Variants in ERC1 observed in about 807,000 individuals in gnomAD.
The protein encoded by ERC1 is ELKS/RAB6-interacting/CAST family member 1, also known as RAB6 interacting protein 2.
In ERC1, 56 loss-of-function variants were observed where a neutral mutation model predicts 132.0. The ratio of observed to expected loss-of-function variants is 0.42; its 90% CI spans 0.34 to 0.53. The LOEUF is 0.53. Ranked by LOEUF, ERC1 falls within the 20% of genes least tolerant of loss-of-function variation. The pLI is 0.03. For synonymous variants in ERC1, 478 were observed against 476.1 expected (o/e 1.00, Z -0.05); for missense variants, 1,202 against 1,349.9 (o/e 0.89, Z 1.72).
intron 8 of ERC1, among the ~76,000 whole-genome samples, chr12:1,156,767 A>AT (rs1951440346): frequency 6.6e-6 from 1 of 151,910 alleles, no homozygotes; most frequent in African/African-American, 2.4e-5. Context: ...CTTGCTTAGT[A>AT]TTTATTTAAA....
At chr12:1,354,932 T>G (rs2085380827) in intron 15 of ERC1, among the ~76,000 whole-genome samples, 1 of 152,218 alleles carries the variant, frequency 6.6e-6, no homozygotes, top group South Asian at 2.1e-4. Context: ...GTCCGCCCAC[T>G]GATTTATCTT....
chr12:1,061,397 A>G (rs1404475655), intron 2 of ERC1, among the ~76,000 whole-genome samples: 1 of 151,062 alleles, frequency 6.6e-6, no homozygotes, highest in Admixed American at 6.6e-5. Flanking sequence ...GGAGTTCGAG[A>G]TCAGCCTGGG....
intron 1 of ERC1, among the ~76,000 whole-genome samples, chr12:1,026,271 A>G (rs1252329725): frequency 1.3e-5 from 2 of 152,198 alleles, no homozygotes; most frequent in African/African-American, 4.8e-5. Context: ...CACTACCACC[A>G]GAACAGTAGA....
rs2094351116 is a variant in ERC1 at position 1,495,701 on chromosome 12, T to C, written c.*5471T>C. On this transcript the variant is annotated 3_prime_UTR_variant, in exon 19 of 19. Coordinates refer to ENST00000360905, the MANE Select transcript of ERC1 (RefSeq NM_178040.4). Reference sequence around the variant, plus strand: ...GCCCCCTTGTAGCTTGAGTTCCTTTTGGTAACAGTAGCAGCCTCCATGGTG... The same window carrying C: ...GCCCCCTTGTAGCTTGAGTTCCTTTCGGTAACAGTAGCAGCCTCCATGGTG... 2 of 224,530 alleles carry C rather than the reference T, an allele frequency of 8.9e-6. No homozygotes were observed. The highest frequency in any genetic ancestry group is 1.1e-4 in the Admixed American group (2 of 17,466). The allele number at this position is 224,530 out of a possible 1,614,324, so 13.9% of individuals were successfully genotyped here. A position where few individuals can be genotyped will look rare whatever the true frequency, so the allele number is the denominator to read the frequency against.
intron 12 of ERC1, among the ~76,000 whole-genome samples, chr12:1,213,417 T>C (rs757759745): frequency 2.0e-5 from 3 of 152,050 alleles, no homozygotes; most frequent in Non-Finnish European, 2.9e-5. Context: ...AATACTGTTG[T>C]AGAGTCGAAA....
chr12:1,113,738 C>T (rs1946140854), intron 6 of ERC1, among the ~76,000 whole-genome samples: 2 of 152,190 alleles, frequency 1.3e-5, no homozygotes, highest in South Asian at 2.1e-4. Flanking sequence ...TTAGTAATTT[C>T]TGCATTGAGT....
intron 14 of ERC1, among the ~76,000 whole-genome samples, chr12:1,275,405 T>C (rs2154333975): frequency 6.6e-6 from 1 of 152,248 alleles, no homozygotes; most frequent in East Asian, 1.9e-4. Flanking sequence ...GGAGAATCAC[T>C]TGAGCCCAGG....
rs780264030 is a variant in ERC1 at position 1,491,406 on chromosome 12, G to A, written c.*1176G>A. 3.5e-5 allele frequency: 8 copies of A among 230,786 alleles called. No homozygotes were observed. Among genetic ancestry groups the A allele is most frequent in the Non-Finnish European group, 6.9e-5 (8 of 116,572 alleles). The allele number at this position is 230,786 out of a possible 1,614,324, so 14.3% of individuals were successfully genotyped here. ...TCCTTCCTCGGTTATTTCATTCAGA[G>A]AATATTTATGAAATGCCTACTGTGT... On this transcript the variant is annotated 3_prime_UTR_variant, in exon 19 of 19. Transcript: ENST00000360905.
intron 15 of ERC1, among the ~76,000 whole-genome samples, chr12:1,317,674 A>G (rs947904398): frequency 6.6e-6 from 1 of 152,230 alleles, no homozygotes; most frequent in Non-Finnish European, 1.5e-5. Flanking sequence ...ATGTCTGCAT[A>G]CTGACTAGCC....
chr12:1,002,160 CTTTTTTTTTTTTT>C (rs71055117), intron 1 of ERC1, among the ~76,000 whole-genome samples: 657 of 38,442 alleles, frequency 0.017, 9 homozygotes, highest in Middle Eastern at 0.043. Context: ...CCATGCCCGG[CTTTTTTTTTTTTT>C]TTTTTTTTTT....
At chr12:993,863 C>G (rs1416582778) in intron 1 of ERC1, among the ~76,000 whole-genome samples, 2 of 152,140 alleles carry the variant, frequency 1.3e-5, no homozygotes, top group South Asian at 2.1e-4. Flanking sequence ...GATCATGCCA[C>G]TGCACTCCAG....
chr12:1,267,800 A>G (rs1213011157), intron 14 of ERC1, among the ~76,000 whole-genome samples: 2 of 152,150 alleles, frequency 1.3e-5, no homozygotes, highest in Admixed American at 1.3e-4. Context: ...GCACATATGA[A>G]TTTGGTTGTT....
intron 12 of ERC1, among the ~76,000 whole-genome samples, chr12:1,230,634 G>A (rs916993708): frequency 1.3e-5 from 2 of 152,126 alleles, no homozygotes; most frequent in Non-Finnish European, 2.9e-5. Flanking sequence ...TTGACAGACT[G>A]TTTGACCTAT....
At position 1,268,182 on chromosome 12, in the gene ERC1, G is replaced by A. The variant is rs149785735; in HGVS notation, c.2619+5017G>A. 3.8e-3 allele frequency among the ~76,000 whole-genome samples: 575 copies of A among 152,218 alleles called. 4 individuals carry two copies. Among genetic ancestry groups the A allele is most frequent in the African/African-American group, 0.013 (543 of 41,548 alleles). On this transcript the variant is annotated intron_variant, in intron 14 of 18. Coordinates refer to ENST00000360905, the MANE Select transcript of ERC1 (RefSeq NM_178040.4). ...AATAGAACTATAATTGTATTCCTTC[G>A]TCTTTCTTATTGCCTTTTTTACTTT...
At chr12:1,188,385 C>A (rs1344072723) in intron 11 of ERC1, among the ~76,000 whole-genome samples, 1 of 152,106 alleles carries the variant, frequency 6.6e-6, no homozygotes, top group Admixed American at 6.5e-5. Context: ...ATATTTATAG[C>A]CTTCTCCTGC....
chr12:1,190,783 G>A (rs190160750), intron 12 of ERC1, among the ~76,000 whole-genome samples: 98 of 152,134 alleles, frequency 6.4e-4, no homozygotes, highest in African/African-American at 2.2e-3. Context: ...CAACTCTGCC[G>A]GTAGAACTTT....
At chr12:1,483,556 G>A (rs73601960) in intron 18 of ERC1, among the ~76,000 whole-genome samples, 6,157 of 148,582 alleles carry the variant, frequency 0.041, 423 homozygotes, top group African/African-American at 0.14. Context: ...AGGTATTTAT[G>A]TTATATATTT....
chr12:1,164,231 T>TTTTTATTTTA (rs201747298), intron 8 of ERC1, among the ~76,000 whole-genome samples: 10,412 of 135,976 alleles, frequency 0.077, 1,140 homozygotes, highest in African/African-American at 0.22. Context: ...GAACCTGCCC[T>TTTTTATTTTA]TTTTATTTTA....
chr12:1,341,451 G>A (rs1171825739), intron 15 of ERC1, among the ~76,000 whole-genome samples: 1 of 152,132 alleles, frequency 6.6e-6, no homozygotes, highest in South Asian at 2.1e-4. Context: ...AGAAAATGTG[G>A]CACATATACA....
Sources: gnomAD v4.1 joint callset for allele counts (sites outside exome capture counted in the v4.1 genomes callset) on GRCh38, gnomAD v4.1.1 for gene constraint, MANE v1.5 for transcripts, NCBI Gene and HGNC (gene_info 2026-07-23, HGNC 2026-07-21) for gene names.